The following FAM117A variants were observed in gnomAD, a reference collection of about 807,000 sequenced individuals.
FAM117A encodes family with sequence similarity 117 member A.
A neutral mutation model predicts 44.1 loss-of-function variants in FAM117A; 21 were observed. The observed-to-expected ratio is 0.48, with a 90% confidence interval of 0.34 to 0.69. The LOEUF is 0.69. Ranked by LOEUF, FAM117A falls within the 30% of genes least tolerant of loss-of-function variation. FAM117A has a pLI of 0.01. For missense variants in FAM117A, 498 were observed against 589.9 expected, an observed-to-expected ratio of 0.84 and a Z score of 1.61; for synonymous variants, 220 against 238.3, an observed-to-expected ratio of 0.92 and a Z score of 0.71.
chr17:49,782,703 A>C (rs940788352), intron 1 of FAM117A, among the ~76,000 whole-genome samples: 5 of 151,512 alleles, frequency 3.3e-5, no homozygotes, highest in East Asian at 3.9e-4. Flanking sequence ...AAAAAAAAAA[A>C]AAAAAAAACC....
chr17:49,726,315 C>T (rs773834298), intron 2 of FAM117A, among the ~76,000 whole-genome samples: 4 of 152,064 alleles, frequency 2.6e-5, no homozygotes, highest in Admixed American at 6.5e-5. Flanking sequence ...CGGGTTCAAG[C>T]GATTATCCTG....
chr17:49,755,305 C>A (rs890842337), intron 1 of FAM117A, among the ~76,000 whole-genome samples: 1 of 152,174 alleles, frequency 6.6e-6, no homozygotes, highest in African/African-American at 2.4e-5. Context: ...CTAGGGCCAA[C>A]AGATAATTCT....
chr17:49,788,521 G>C (rs925330307), exon 1 of FAM117A: 1 of 353,980 alleles, frequency 2.8e-6, no homozygotes, highest in African/African-American at 2.1e-5. Flanking sequence ...TTGGCTCCGG[G>C]TTCCACCACT....
At position 49,711,131 on chromosome 17, in the gene FAM117A, G is replaced by A. The variant is rs923001052; in HGVS notation, c.*124C>T. The A allele has an allele frequency of 6.4e-6, 6 of 939,906 alleles. No homozygotes were observed. The highest frequency in any genetic ancestry group is 9.3e-6 in the Non-Finnish European group (6 of 646,066). 58.2% of individuals were successfully genotyped at this position (939,906 alleles called of 1,614,324 possible). On this transcript the variant is annotated 3_prime_UTR_variant, in exon 8 of 8. Transcript: ENST00000240364. Reference sequence around the variant, plus strand: ...AGGACCCAGGGCTTTGACACAGTAAGTGAAAGAAAGTGCTCGAAGGCCGAG... The same window carrying A: ...AGGACCCAGGGCTTTGACACAGTAAATGAAAGAAAGTGCTCGAAGGCCGAG...
intron 1 of FAM117A, among the ~76,000 whole-genome samples, chr17:49,786,997 T>A (rs2073813930): frequency 6.6e-6 from 1 of 151,206 alleles, no homozygotes; most frequent in South Asian, 2.1e-4. Flanking sequence ...GGCAAGAGAA[T>A]CCCTTGAGCC....
chr17:49,766,297 T>A (rs1262192006), upstream of FAM117A, among the ~76,000 whole-genome samples: 1 of 152,236 alleles, frequency 6.6e-6, no homozygotes, highest in Admixed American at 6.5e-5. Flanking sequence ...AAGATGCAAA[T>A]CTGATTAAGA....
chr17:49,780,348 T>G (rs1264931176), intron 1 of FAM117A, among the ~76,000 whole-genome samples: 1 of 152,016 alleles, frequency 6.6e-6, no homozygotes, highest in Non-Finnish European at 1.5e-5. Flanking sequence ...GAAAGTAGTG[T>G]CTACAGAATC....
chr17:49,718,349 C>T (rs186533800), intron 5 of FAM117A, among the ~76,000 whole-genome samples: 125 of 152,336 alleles, frequency 8.2e-4, no homozygotes, highest in South Asian at 2.1e-3. Context: ...TGGCATTCCC[C>T]AATTAAACTG....
chr17:49,726,934 A>T (rs900478852), intron 2 of FAM117A, among the ~76,000 whole-genome samples: 2 of 151,610 alleles, frequency 1.3e-5, no homozygotes, highest in African/African-American at 4.8e-5. Flanking sequence ...AGTCATGATA[A>T]TACCACTGCA....
intron 1 of FAM117A, among the ~76,000 whole-genome samples, chr17:49,787,693 A>C (rs2073822977): frequency 6.6e-6 from 1 of 152,136 alleles, no homozygotes; most frequent in Non-Finnish European, 1.5e-5. Context: ...GAGAGGTTAA[A>C]TCCTCAACGC....
intron 2 of FAM117A, among the ~76,000 whole-genome samples, chr17:49,731,726 A>T (rs1444989348): frequency 6.6e-6 from 1 of 152,236 alleles, no homozygotes; most frequent in African/African-American, 2.4e-5. Flanking sequence ...TTCTTTGGGA[A>T]ATACAAACTC....
intron 2 of FAM117A, chr17:49,724,388 A>C: frequency 2.2e-6 from 1 of 456,228 alleles, no homozygotes; most frequent in African/African-American, 2.0e-5. Flanking sequence ...AAGATACTGT[A>C]CTCACAGGTG....
chr17:49,750,255 G>A (rs958904167), intron 1 of FAM117A, among the ~76,000 whole-genome samples: 1 of 148,610 alleles, frequency 6.7e-6, no homozygotes, highest in African/African-American at 2.4e-5. Context: ...ATGTCCACAC[G>A]CAAGACAGAT....
At chr17:49,770,975 G>A (rs1332752432) in intron 1 of FAM117A, among the ~76,000 whole-genome samples, 1 of 152,248 alleles carries the variant, frequency 6.6e-6, no homozygotes, top group African/African-American at 2.4e-5. Flanking sequence ...GGGTGGCCAA[G>A]GTGGGTGAAT....
At chr17:49,731,637 G>T (rs747783688) in intron 2 of FAM117A, among the ~76,000 whole-genome samples, 1 of 152,168 alleles carries the variant, frequency 6.6e-6, no homozygotes, top group Non-Finnish European at 1.5e-5. Flanking sequence ...TGGCAAGGAA[G>T]AATTCTCCAT....
intron 2 of FAM117A, among the ~76,000 whole-genome samples, chr17:49,724,762 A>C (rs557578773): frequency 6.7e-6 from 1 of 148,770 alleles, no homozygotes; most frequent in South Asian, 2.2e-4. Flanking sequence ...TAGAGGTTGC[A>C]GTGAGCTGAG....
chr17:49,714,056 G>A (rs1238588148), intron 7 of FAM117A, among the ~76,000 whole-genome samples: 1 of 152,138 alleles, frequency 6.6e-6, no homozygotes, highest in Non-Finnish European at 1.5e-5. Context: ...CGTTCTAGGT[G>A]TGTGCATGTA....
upstream of FAM117A, among the ~76,000 whole-genome samples, chr17:49,766,609 T>C (rs1171704388): frequency 6.6e-6 from 1 of 152,272 alleles, no homozygotes; most frequent in Non-Finnish European, 1.5e-5. Context: ...AAAGCTTTTC[T>C]TGTCTGACAA....
chr17:49,725,384 A>C (rs1312395967), intron 2 of FAM117A, among the ~76,000 whole-genome samples: 3 of 152,242 alleles, frequency 2.0e-5, no homozygotes, highest in African/African-American at 7.2e-5. Context: ...AACAACACAA[A>C]TACTTGTCCC....
Sources: gnomAD v4.1 joint callset for allele counts (sites outside exome capture counted in the v4.1 genomes callset) on GRCh38, gnomAD v4.1.1 for gene constraint, MANE v1.5 for transcripts, NCBI Gene and HGNC (gene_info 2026-07-23, HGNC 2026-07-21) for gene names.